SLC25A21: variants seen among roughly 807,000 people sequenced by gnomAD.
SLC25A21 encodes mitochondrial 2-oxodicarboxylate carrier.
SLC25A21 carries 47 observed loss-of-function variants against 43.8 expected under a neutral mutation model. The observed-to-expected ratio is 1.07, with a 90% CI of 0.85 to 1.37. The LOEUF (loss-of-function observed/expected upper bound fraction) is 1.37. Among genes scored for constraint, SLC25A21 ranks in the 40% most tolerant of loss-of-function variants. SLC25A21 has a pLI of 0.00. For missense variants in SLC25A21, 352 were observed against 350.2 expected, an observed-to-expected ratio of 1.00 and a Z score of -0.04; for synonymous variants, 131 against 121.3, an observed-to-expected ratio of 1.08 and a Z score of -0.52.
At chr14:36,704,527 C>T (rs1883415434) in intron 7 of SLC25A21, among the ~76,000 whole-genome samples, 1 of 151,708 alleles carries the variant, frequency 6.6e-6, no homozygotes, top group Non-Finnish European at 1.5e-5. Context: ...CATGTTGGTG[C>T]GCACCTGTAA....
intron 3 of SLC25A21, among the ~76,000 whole-genome samples, chr14:36,809,374 C>T (rs148695892): frequency 0.01 from 1,579 of 152,222 alleles, 19 homozygotes; most frequent in South Asian, 0.056. Context: ...TATGAGGATT[C>T]CATATAATAG....
intron 1 of SLC25A21, among the ~76,000 whole-genome samples, chr14:37,065,905 A>T (rs1201595499): frequency 6.6e-6 from 1 of 151,536 alleles, no homozygotes; most frequent in Non-Finnish European, 1.5e-5. Flanking sequence ...AAATAAAACT[A>T]ATTTGAAACG....
chr14:36,980,072 GCTTA>G (rs1232191329), intron 1 of SLC25A21, among the ~76,000 whole-genome samples: 2 of 152,196 alleles, frequency 1.3e-5, no homozygotes, highest in African/African-American at 4.8e-5. Context: ...TTTATCCTCT[GCTTA>G]CTTACGAAAG....
chr14:37,122,871 C>G (rs935970372), intron 1 of SLC25A21, among the ~76,000 whole-genome samples: 3 of 152,050 alleles, frequency 2.0e-5, no homozygotes, highest in African/African-American at 7.2e-5. Context: ...AGAAATCAAC[C>G]AAAAAATCCT....
intron 1 of SLC25A21, among the ~76,000 whole-genome samples, chr14:37,171,330 C>T (rs533539190): frequency 6.6e-6 from 1 of 152,116 alleles, no homozygotes; most frequent in Non-Finnish European, 1.5e-5. Context: ...TAATCCCTTA[C>T]AAAAAGTCCA....
intron 7 of SLC25A21, among the ~76,000 whole-genome samples, chr14:36,709,006 CTT>C (rs58990948): frequency 0.13 from 19,138 of 149,364 alleles, 1,824 homozygotes; most frequent in East Asian, 0.49. Flanking sequence ...TCTGATTAAT[CTT>C]TTTTTTTTTG....
chr14:37,067,821 ATAT>A (rs1566856956), intron 1 of SLC25A21, among the ~76,000 whole-genome samples: 1 of 152,236 alleles, frequency 6.6e-6, no homozygotes, highest in Non-Finnish European at 1.5e-5. Flanking sequence ...ATTTATGAAA[ATAT>A]TATGTATATT....
At chr14:36,728,263 T>C (rs1476080052) in intron 5 of SLC25A21, among the ~76,000 whole-genome samples, 1 of 152,218 alleles carries the variant, frequency 6.6e-6, no homozygotes, top group African/African-American at 2.4e-5. Flanking sequence ...TTGGTTATAG[T>C]AGCTGCAGTG....
chr14:36,856,853 G>A (rs753785280), intron 2 of SLC25A21, among the ~76,000 whole-genome samples: 8 of 152,182 alleles, frequency 5.3e-5, no homozygotes, highest in Non-Finnish European at 1.2e-4. Context: ...TGGAAAGAAC[G>A]AATGAGAGCT....
intron 1 of SLC25A21, among the ~76,000 whole-genome samples, chr14:36,969,320 G>C (rs1480357169): frequency 2.0e-5 from 3 of 151,990 alleles, no homozygotes; most frequent in East Asian, 1.9e-4. Context: ...TCCTGTCTTC[G>C]AGCCTGGTCC....
chr14:37,057,725 T>C (rs1369095008), intron 1 of SLC25A21, among the ~76,000 whole-genome samples: 1 of 152,236 alleles, frequency 6.6e-6, no homozygotes, highest in African/African-American at 2.4e-5. Context: ...AAGTAGAAGT[T>C]TTCCTTTGGT....
At position 36,679,887 on chromosome 14, in the gene SLC25A21, T is replaced by TTTTA; in HGVS notation, c.*767_*770dup. On this transcript the variant is annotated 3_prime_UTR_variant, in exon 10 of 10. Coordinates refer to ENST00000331299, the MANE Select transcript of SLC25A21 (RefSeq NM_030631.4). ...AGAGAACTATGTGGAGGAAAGTAAA[T>TTTTA]TTTATTTCATGTTTCCTACTTGTGT... 1.0e-6 allele frequency: 1 copy of TTTTA among 969,682 alleles called. No individual in the cohort carries two copies. Among genetic ancestry groups the TTTTA allele is most frequent in the Non-Finnish European group, 1.2e-6 (1 of 815,792 alleles). The allele number at this position is 969,682 out of a possible 1,614,324, so 60.1% of individuals were successfully genotyped here. A position where few individuals can be genotyped will look rare whatever the true frequency, so the allele number is the denominator to read the frequency against.
chr14:36,865,543 T>A (rs2138539381), intron 2 of SLC25A21, among the ~76,000 whole-genome samples: 1 of 152,098 alleles, frequency 6.6e-6, no homozygotes, highest in Middle Eastern at 3.4e-3. Flanking sequence ...AAAGCAGCAG[T>A]TTACATAAAT....
At chr14:36,922,997 C>A (rs1465948725) in intron 1 of SLC25A21, among the ~76,000 whole-genome samples, 2 of 151,902 alleles carry the variant, frequency 1.3e-5, no homozygotes, top group South Asian at 4.2e-4. Context: ...AAATCAGTCC[C>A]ACAAAAACAG....
chr14:36,733,907 C>T (rs1207482034), intron 4 of SLC25A21, among the ~76,000 whole-genome samples: 3 of 152,024 alleles, frequency 2.0e-5, no homozygotes, highest in Non-Finnish European at 2.9e-5. Context: ...GCAAGTAGTA[C>T]ATAAACCTCT....
intron 3 of SLC25A21, among the ~76,000 whole-genome samples, chr14:36,790,472 A>T (rs1887446336): frequency 6.6e-6 from 1 of 152,154 alleles, no homozygotes; most frequent in Non-Finnish European, 1.5e-5. Context: ...ACTCTGCTTT[A>T]GCTCACAGAA....
chr14:36,975,821 G>A (rs1181381609), intron 1 of SLC25A21, among the ~76,000 whole-genome samples: 1 of 152,206 alleles, frequency 6.6e-6, no homozygotes, highest in Non-Finnish European at 1.5e-5. Flanking sequence ...GTGAGGTGAT[G>A]GAGCAACAGT....
chr14:36,703,097 GC>G lies in SLC25A21; in HGVS notation c.603+8220del, dbSNP rs557712559. Among the ~76,000 whole-genome samples, 7 of 152,268 alleles carry G rather than the reference GC, an allele frequency of 4.6e-5. No individual in the cohort carries two copies. The South Asian group carries it at 1.5e-3, about 32-fold the overall frequency. On this transcript the variant is annotated intron_variant, in intron 7 of 9. Transcript: ENST00000331299. The stretch of plus-strand genomic sequence containing the variant: ...TTCTTAATGAAACTTTAATGTTCCT[GC>G]CCTTCCCATTACCGGATGATTGGTA...
At chr14:36,884,167 C>A (rs529309173) in intron 1 of SLC25A21, among the ~76,000 whole-genome samples, 203 of 152,258 alleles carry the variant, frequency 1.3e-3, no homozygotes, top group Non-Finnish European at 2.4e-3. Flanking sequence ...CCTCTGGCAA[C>A]CTCCATTCTA....
Sources: allele counts gnomAD v4.1 joint callset (sites outside exome capture counted in the v4.1 genomes callset), GRCh38; gene constraint gnomAD v4.1.1; transcripts MANE v1.5; gene names NCBI Gene and HGNC (gene_info 2026-07-23, HGNC 2026-07-21).